The following POC1B variants were observed in gnomAD, a reference collection of about 807,000 sequenced individuals.
The protein encoded by POC1B is POC1 centriolar protein homolog B.
In POC1B, 44 loss-of-function variants were observed where a neutral mutation model predicts 60.6. The ratio of observed to expected loss-of-function variants is 0.73; its 90% CI spans 0.57 to 0.93. The LOEUF is 0.93. Among genes scored for constraint, POC1B ranks in the 40% least tolerant of loss-of-function variants. The pLI is 0.00. For synonymous variants in POC1B, 180 were observed against 198.9 expected, an observed-to-expected ratio of 0.90 and a Z score of 0.80; for missense variants, 555 against 572.3, an observed-to-expected ratio of 0.97 and a Z score of 0.31.
chr12:89,484,131 A>C (rs1017970698), intron 4 of POC1B, among the ~76,000 whole-genome samples: 3 of 152,238 alleles, frequency 2.0e-5, no homozygotes, highest in Admixed American at 2.0e-4. Context: ...ACAAAACAAA[A>C]AAGACAAAGA....
At chr12:89,525,396 C>T in intron 1 of POC1B, 192 bp from the exon 2 acceptor site, 2 of 1,389,156 alleles carry the variant, frequency 1.4e-6, no homozygotes, top group Non-Finnish European at 1.9e-6. Context: ...GAGACGCCGG[C>T]GCCAGCTCTC....
At chr12:89,487,941 A>C (rs374139493) in intron 4 of POC1B, among the ~76,000 whole-genome samples, 3 of 64,042 alleles carry the variant, frequency 4.7e-5, no homozygotes, top group African/African-American at 1.8e-4. Context: ...ATAACTATTT[A>C]GTATCATGTT....
rs147630210 is a variant in POC1B, at chr12:89,500,215, T to C, written c.101-2873A>G. 3.5e-5 allele frequency: 56 copies of C among 1,594,572 alleles called. No individual in the cohort carries two copies. In the African/African-American group the frequency reaches 6.7e-4, roughly 19 times the overall value. ...ATGTTCTGGAAATCTTACAAGACTG[T>C]TTTGAAGAAAAAAGTCTTGCCAATG... is the stretch of plus-strand genomic sequence containing the variant. On this transcript the variant is annotated intron_variant, in intron 2 of 11. Coordinates refer to ENST00000313546, the MANE Select transcript of POC1B (RefSeq NM_172240.3).
chr12:89,463,888 A>G (rs567700513), intron 9 of POC1B, among the ~76,000 whole-genome samples: 1 of 152,286 alleles, frequency 6.6e-6, no homozygotes, highest in Non-Finnish European at 1.5e-5. Context: ...CCCACCTTCA[A>G]ACAAGTGAAG....
chr12:89,409,660 G>C, the POC1B span, among the ~76,000 whole-genome samples: 1 of 152,320 alleles, frequency 6.6e-6, no homozygotes, highest in South Asian at 2.1e-4. Flanking sequence ...ACTACCATTA[G>C]AGAATACTAT....
the POC1B span, among the ~76,000 whole-genome samples, chr12:89,404,105 C>T: frequency 2.0e-5 from 3 of 151,444 alleles, no homozygotes; most frequent in Non-Finnish European, 4.4e-5. Context: ...GTATTCCAAC[C>T]TGGACAACAA....
chr12:89,464,724 T>C (rs1343902881), intron 9 of POC1B, among the ~76,000 whole-genome samples: 1 of 150,632 alleles, frequency 6.6e-6, no homozygotes, highest in Non-Finnish European at 1.5e-5. Flanking sequence ...CTGACATCAT[T>C]AGCCGCCCAC....
rs894181426 is a variant in POC1B, at chr12:89,500,006, C to A, written c.101-2664G>T. 25 of 896,190 alleles carry A rather than the reference C, an allele frequency of 2.8e-5. No individual in the cohort carries two copies. The South Asian group carries it at 3.4e-4, about 12-fold the overall frequency. 55.5% of individuals were successfully genotyped at this position (896,190 alleles called of 1,614,324 possible). On this transcript the variant is annotated intron_variant, in intron 2 of 11. Coordinates refer to ENST00000313546, the MANE Select transcript of POC1B (RefSeq NM_172240.3). ...GCTTGGCCGCCGCCTGGTAGTCCGG[C>A]GATTCATTTCTTGCTCGGCCTCCTG...
At chr12:89,412,262 T>C in the POC1B span, among the ~76,000 whole-genome samples, 1 of 152,240 alleles carries the variant, frequency 6.6e-6, no homozygotes, top group African/African-American at 2.4e-5. Flanking sequence ...CACAGAAGTA[T>C]CTTGGGTAAA....
chr12:89,434,400 A>G (rs1881164743), intron 10 of POC1B, among the ~76,000 whole-genome samples: 1 of 152,212 alleles, frequency 6.6e-6, no homozygotes, highest in Non-Finnish European at 1.5e-5. Flanking sequence ...TTTGTCTTTA[A>G]TCTTTATTAT....
chr12:89,477,432 A>G (rs1469776207), intron 4 of POC1B, among the ~76,000 whole-genome samples: 1 of 152,122 alleles, frequency 6.6e-6, no homozygotes, highest in African/African-American at 2.4e-5. Context: ...ACCCATGAGT[A>G]CAACTGCTTG....
intron 2 of POC1B, chr12:89,524,652 T>G (rs150015112): frequency 8.1e-7 from 1 of 1,240,286 alleles, no homozygotes; most frequent in African/African-American, 1.5e-5. Context: ...CAGCAGGTTC[T>G]TCCTTTCATG....
At chr12:89,469,817 T>C (rs1159639982) in intron 7 of POC1B, among the ~76,000 whole-genome samples, 1 of 152,202 alleles carries the variant, frequency 6.6e-6, no homozygotes, top group African/African-American at 2.4e-5. Context: ...TTAATGGCCA[T>C]TGAAAGATAC....
chr12:89,414,769 T>G (rs1880337476), downstream of POC1B, among the ~76,000 whole-genome samples: 1 of 152,224 alleles, frequency 6.6e-6, no homozygotes, highest in Non-Finnish European at 1.5e-5. Flanking sequence ...CTGTTTTTTT[T>G]GTCTCAGCAG....
At chr12:89,490,364 G>A (rs1431258534) in intron 4 of POC1B, among the ~76,000 whole-genome samples, 2 of 151,818 alleles carry the variant, frequency 1.3e-5, no homozygotes, top group Non-Finnish European at 2.9e-5. Flanking sequence ...TTTTTGAGAT[G>A]GAGTCTCACT....
At chr12:89,404,132 TA>T in the POC1B span, among the ~76,000 whole-genome samples, 6,195 of 136,060 alleles carry the variant, frequency 0.046, 184 homozygotes, top group South Asian at 0.11. Flanking sequence ...AACTCCATCT[TA>T]AAAAAAAAAA....
intron 3 of POC1B, among the ~76,000 whole-genome samples, chr12:89,493,819 C>T (rs1021693382): frequency 6.6e-6 from 1 of 152,256 alleles, no homozygotes; most frequent in African/African-American, 2.4e-5. Context: ...AAACCAAGCA[C>T]TGGATCCAGT....
intron 2 of POC1B, chr12:89,519,869 G>T (rs747685122): frequency 3.9e-5 from 6 of 152,194 alleles, no homozygotes; most frequent in African/African-American, 1.5e-4. Context: ...GACACTAAAT[G>T]ACATAGTGAA....
At chr12:89,510,068 C>T (rs1005572530) in intron 2 of POC1B, among the ~76,000 whole-genome samples, 4 of 152,078 alleles carry the variant, frequency 2.6e-5, no homozygotes, top group Admixed American at 6.5e-5. Context: ...AGGCTGGTCT[C>T]GAACTCCTGG....
Sources: gnomAD v4.1 joint callset for allele counts (sites outside exome capture counted in the v4.1 genomes callset) on GRCh38, gnomAD v4.1.1 for gene constraint, MANE v1.5 for transcripts, NCBI Gene and HGNC (gene_info 2026-07-23, HGNC 2026-07-21) for gene names.